Variants in UVRAG observed in about 807,000 individuals in gnomAD.
UVRAG encodes the protein UV radiation resistance associated.
A neutral mutation model predicts 78.0 loss-of-function variants in UVRAG; 19 were observed. The ratio of observed to expected loss-of-function variants is 0.24; its 90% CI spans 0.17 to 0.36. The LOEUF (loss-of-function observed/expected upper bound fraction) is 0.36. Ranked by LOEUF, UVRAG falls within the 10% of genes least tolerant of loss-of-function variation. UVRAG has a pLI of 1.00. For synonymous variants in UVRAG, 323 were observed against 324.6 expected (o/e 1.00, Z 0.05); for missense variants, 740 against 853.8 (o/e 0.87, Z 1.66).
At chr11:76,029,025 G>T (rs1341582796) in intron 12 of UVRAG, among the ~76,000 whole-genome samples, 1 of 152,070 alleles carries the variant, frequency 6.6e-6, no homozygotes, top group Admixed American at 6.6e-5. Flanking sequence ...CTTTTATTAG[G>T]GGCTAATACA....
intron 6 of UVRAG, among the ~76,000 whole-genome samples, chr11:75,957,412 T>C (rs1217050583): frequency 6.6e-6 from 1 of 151,808 alleles, no homozygotes; most frequent in Non-Finnish European, 1.5e-5. Context: ...GTTCCATTGA[T>C]CTTTGTTTTT....
At chr11:75,890,765 G>A (rs941296452) in intron 5 of UVRAG, among the ~76,000 whole-genome samples, 5 of 152,194 alleles carry the variant, frequency 3.3e-5, no homozygotes, top group African/African-American at 7.2e-5. Context: ...AGGCAGTACT[G>A]TAGGAAGAAA....
chr11:75,822,049 A>G (rs1447010746), intron 1 of UVRAG, among the ~76,000 whole-genome samples: 2 of 150,964 alleles, frequency 1.3e-5, no homozygotes, highest in African/African-American at 2.4e-5. Context: ...GGTTCAAGCA[A>G]TTCTTCTGCC....
intron 9 of UVRAG, among the ~76,000 whole-genome samples, chr11:76,005,236 G>A (rs1254434667): frequency 2.6e-5 from 4 of 152,080 alleles, no homozygotes; most frequent in Non-Finnish European, 1.5e-5. Context: ...CCAGCTACTC[G>A]GGAGGCTGAG....
intron 7 of UVRAG, among the ~76,000 whole-genome samples, chr11:75,973,712 C>T (rs150381847): frequency 0.015 from 2,323 of 152,286 alleles, 29 homozygotes; most frequent in Non-Finnish European, 0.022. Context: ...CCTCCATCCC[C>T]CCAACCCACG....
intron 12 of UVRAG, among the ~76,000 whole-genome samples, chr11:76,033,218 A>G (rs1040191195): frequency 6.6e-6 from 1 of 152,184 alleles, no homozygotes; most frequent in Non-Finnish European, 1.5e-5. Flanking sequence ...ACCTTGAACC[A>G]GTTTATTCCA....
intron 5 of UVRAG, among the ~76,000 whole-genome samples, chr11:75,906,188 A>G: frequency 6.6e-6 from 1 of 152,004 alleles, no homozygotes; most frequent in South Asian, 2.1e-4. Context: ...TGATGCACAA[A>G]AGTTTTTGAT....
intron 8 of UVRAG, among the ~76,000 whole-genome samples, chr11:75,988,984 A>C (rs1949553061): frequency 6.6e-6 from 1 of 152,202 alleles, no homozygotes; most frequent in African/African-American, 2.4e-5. Context: ...TTCTTTATCA[A>C]ATATACGCTT....
At chr11:76,120,719 T>C (rs1200769051) in intron 14 of UVRAG, among the ~76,000 whole-genome samples, 2 of 152,176 alleles carry the variant, frequency 1.3e-5, no homozygotes, top group Non-Finnish European at 2.9e-5. Flanking sequence ...AAATGAATGC[T>C]ACATATCAGT....
intron 6 of UVRAG, among the ~76,000 whole-genome samples, chr11:75,918,867 G>A (rs1294323846): frequency 6.6e-6 from 1 of 152,154 alleles, no homozygotes; most frequent in East Asian, 1.9e-4. Context: ...ATATTTAAAA[G>A]GTGATGAAAA....
At position 75,946,691 on chromosome 11, in the gene UVRAG, G is replaced by C. The variant is rs146951582; in HGVS notation, c.594-14753G>C. Among the ~76,000 whole-genome samples, 161 of 152,282 alleles carry C rather than the reference G, an allele frequency of 1.1e-3. 1 individual carries two copies. The highest frequency in any genetic ancestry group is 2.0e-3 in the Non-Finnish European group (136 of 68,026). On this transcript the variant is annotated intron_variant, in intron 6 of 14. Transcript: ENST00000356136. ...GCCTCTTGTTCTCTTGCTGATAGTG[G>C]TCTGAGGGCTGCTGTCAGCCCCATT...
intron 12 of UVRAG, among the ~76,000 whole-genome samples, chr11:76,024,373 A>G (rs913159192): frequency 1.3e-5 from 2 of 152,106 alleles, no homozygotes; most frequent in African/African-American, 2.4e-5. Flanking sequence ...TTAGGTGATT[A>G]TGTTATCCCT....
chr11:75,896,904 T>TA (rs763821163), intron 5 of UVRAG, among the ~76,000 whole-genome samples: 2 of 152,206 alleles, frequency 1.3e-5, no homozygotes, highest in Non-Finnish European at 2.9e-5. Context: ...AAATTACTTA[T>TA]AGACAAATCT....
intron 5 of UVRAG, among the ~76,000 whole-genome samples, chr11:75,894,803 A>C (rs1315871557): frequency 2.7e-5 from 3 of 111,560 alleles, no homozygotes; most frequent in African/African-American, 1.2e-4. Context: ...CGTCTCTACC[A>C]AAAAAAAAAA....
At chr11:75,936,696 ATTAGTCAT>A (rs568124099) in intron 6 of UVRAG, among the ~76,000 whole-genome samples, 39 of 152,308 alleles carry the variant, frequency 2.6e-4, no homozygotes, top group South Asian at 4.1e-4. Flanking sequence ...CTGGATTAGA[ATTAGTCAT>A]TTCTCTAAGG....
At chr11:76,134,894 G>T (rs998748783) in intron 14 of UVRAG, among the ~76,000 whole-genome samples, 2 of 152,280 alleles carry the variant, frequency 1.3e-5, no homozygotes, top group African/African-American at 4.8e-5. Context: ...CCCGTCTGTG[G>T]CCTGTTAAGA....
chr11:76,097,036 G>A (rs1296578933), intron 13 of UVRAG, among the ~76,000 whole-genome samples: 1 of 152,122 alleles, frequency 6.6e-6, no homozygotes, highest in Admixed American at 6.5e-5. Flanking sequence ...TTCTGTTAGA[G>A]GCTTGTTTTC....
At chr11:76,016,087 G>A (rs958670287) in intron 11 of UVRAG, among the ~76,000 whole-genome samples, 2 of 152,154 alleles carry the variant, frequency 1.3e-5, no homozygotes, top group African/African-American at 4.8e-5. Context: ...ATCTGGATAA[G>A]TTTAGAAAAT....
At chr11:76,135,022 T>C (rs1952576418) in intron 14 of UVRAG, among the ~76,000 whole-genome samples, 1 of 152,160 alleles carries the variant, frequency 6.6e-6, no homozygotes, top group Non-Finnish European at 1.5e-5. Flanking sequence ...CTGTTGTGAA[T>C]TGTACATTTG....
Sources: allele counts gnomAD v4.1 joint callset (sites outside exome capture counted in the v4.1 genomes callset), GRCh38; gene constraint gnomAD v4.1.1; transcripts MANE v1.5; gene names NCBI Gene and HGNC (gene_info 2026-07-23, HGNC 2026-07-21).